The following CACNA1B variants were observed in gnomAD, a reference collection of about 807,000 sequenced individuals.
CACNA1B encodes calcium voltage-gated channel subunit alpha1 B.
In CACNA1B, 70 loss-of-function variants were observed where a neutral mutation model predicts 247.2. That is an observed-to-expected ratio of 0.28 (90% CI 0.23 to 0.35). CACNA1B has a LOEUF of 0.35. Ranked by LOEUF, CACNA1B falls within the 10% of genes least tolerant of loss-of-function variation. CACNA1B has a pLI of 1.00. For synonymous variants in CACNA1B, 1,231 were observed against 1,294.4 expected (o/e 0.95, Z 1.05); for missense variants, 2,367 against 3,197.4 (o/e 0.74, Z 6.26).
intron 36 of CACNA1B, among the ~76,000 whole-genome samples, chr9:138,081,260 T>C (rs1174916351): frequency 6.6e-6 from 1 of 152,228 alleles, no homozygotes; most frequent in Non-Finnish European, 1.5e-5. Flanking sequence ...CGAGGAATCC[T>C]TGGGTTTAGC....
intron 23 of CACNA1B, 92 bp from the exon 24 acceptor site, chr9:138,049,117 A>G (rs1276426885): frequency 1.6e-5 from 14 of 850,628 alleles, no homozygotes; most frequent in East Asian, 1.2e-4. Flanking sequence ...AGCCTCCCCA[A>G]GTGCTGAGAT....
chr9:137,889,180 G>A (rs28495791), intron 3 of CACNA1B, among the ~76,000 whole-genome samples: 5 of 150,394 alleles, frequency 3.3e-5, no homozygotes, highest in African/African-American at 1.2e-4. Flanking sequence ...GCCAGGACAC[G>A]TTGGAGCATG....
rs1589097314 is a variant in CACNA1B at position 138,051,903 on chromosome 9, G to A, written c.3711-189G>A. Among the ~76,000 whole-genome samples the A allele has an allele frequency of 2.0e-5, 3 of 152,240 alleles. No homozygotes were observed. The South Asian group carries it at 6.2e-4, about 32-fold the overall frequency. On this transcript the variant is annotated intron_variant, in intron 24 of 46. Transcript: ENST00000371372. This position sits in a 1 kb window ranked among gnomAD's most constrained non-coding sequence, Gnocchi z 4.3. ...TGTCCTTAGATGAGGCCCGGGCCAG[G>A]CAGCCCCTGGGAAGAGTCATGGTGG...
intron 20 of CACNA1B, among the ~76,000 whole-genome samples, chr9:138,038,650 T>C (rs1249858511): frequency 1.3e-5 from 2 of 152,244 alleles, no homozygotes; most frequent in Non-Finnish European, 2.9e-5. Flanking sequence ...AGTGTCCCTG[T>C]GGGAGCCTAA....
At chr9:137,887,952 T>G in intron 3 of CACNA1B, among the ~76,000 whole-genome samples, 1 of 139,650 alleles carries the variant, frequency 7.2e-6, no homozygotes, top group Non-Finnish European at 1.6e-5. Flanking sequence ...GTCCTTCCAC[T>G]GGGGTGGGGT....
At chr9:137,967,040 C>A (rs149921797) in intron 10 of CACNA1B, among the ~76,000 whole-genome samples, 2 of 151,776 alleles carry the variant, frequency 1.3e-5, no homozygotes, top group East Asian at 3.9e-4. Context: ...CCAGTCTCTC[C>A]ATTTAGTATA....
chr9:138,075,677 G>T (rs753185028), intron 34 of CACNA1B, 142 bp from the exon 35 acceptor site: 5 of 623,898 alleles, frequency 8.0e-6, no homozygotes. Context: ...GGCCTCTCCC[G>T]GGTGGGAGTT....
At chr9:138,095,262 A>G (rs1223439423) in intron 36 of CACNA1B, among the ~76,000 whole-genome samples, 1 of 152,238 alleles carries the variant, frequency 6.6e-6, no homozygotes, top group Non-Finnish European at 1.5e-5. Flanking sequence ...CTCAACAACA[A>G]AAAACCAAAC....
chr9:137,989,971 C>A (rs1238557236), intron 15 of CACNA1B, among the ~76,000 whole-genome samples: 1 of 152,188 alleles, frequency 6.6e-6, no homozygotes. Context: ...AGCTCCTGCT[C>A]GGACAGACAG....
At chr9:138,056,805 G>A (rs1434523161) in intron 26 of CACNA1B, among the ~76,000 whole-genome samples, 1 of 152,098 alleles carries the variant, frequency 6.6e-6, no homozygotes, top group Non-Finnish European at 1.5e-5. Context: ...GTGGTGTCTC[G>A]TGGTGGTTTT....
chr9:138,055,472 C>A (rs1327923380), intron 26 of CACNA1B, among the ~76,000 whole-genome samples: 1 of 152,054 alleles, frequency 6.6e-6, no homozygotes, highest in Non-Finnish European at 1.5e-5. Flanking sequence ...CTTTTTTATT[C>A]TTTTATGCTG....
At position 138,023,389 on chromosome 9, in the gene CACNA1B, G is replaced by A; in HGVS notation, c.2646G>A (p.Arg882=). 7.3e-7 allele frequency: 1 copy of A among 1,368,694 alleles called. No homozygotes were observed. 84.8% of individuals were successfully genotyped at this position (1,368,694 alleles called of 1,614,324 possible). Residue 882 remains arginine, a synonymous_variant, in exon 19 of 47, where the codon CGG becomes CGA. Coordinates refer to ENST00000371372, the MANE Select transcript of CACNA1B (RefSeq NM_000718.4). ...PKAESGEPGA[R]EERPRPHRSH... is the part of the protein sequence containing the mutation. ...CGGAGAGCGGGGAGCCCGGTGCCCG[G>A]GAGGAGCGGCCGCGGCCGCACCGCA...
At chr9:137,940,605 A>G (rs1483087481) in intron 6 of CACNA1B, among the ~76,000 whole-genome samples, 34 of 152,186 alleles carry the variant, frequency 2.2e-4, no homozygotes, top group Admixed American at 2.1e-3. Context: ...CCTGGAAAGG[A>G]CATAACCAAA....
rs1177673237 is a variant in CACNA1B at position 138,102,552 on chromosome 9, G to A, written c.5223-159G>A. The stretch of plus-strand genomic sequence containing the variant: ...AGAAATCCCTCATTTTATTTATTTT[G>A]ATTTTGGGCTTTGAATCCGACACTT... On this transcript the variant is annotated intron_variant, in intron 37 of 46. Transcript: ENST00000371372. The surrounding 1 kb of genome is among the most constrained non-coding windows in gnomAD (Gnocchi z 5.4). 1.3e-5 allele frequency among the ~76,000 whole-genome samples: 2 copies of A among 152,010 alleles called. No homozygotes were observed. Among genetic ancestry groups the A allele is most frequent in the African/African-American group, 4.8e-5 (2 of 41,358 alleles).
At chr9:137,982,200 A>G (rs1405941253) in intron 12 of CACNA1B, among the ~76,000 whole-genome samples, 1 of 152,218 alleles carries the variant, frequency 6.6e-6, no homozygotes, top group Non-Finnish European at 1.5e-5. Flanking sequence ...GTGAGGCTGC[A>G]GTCTTCTCAG....
At chr9:137,905,969 T>G (rs1957294561) in intron 3 of CACNA1B, among the ~76,000 whole-genome samples, 1 of 152,258 alleles carries the variant, frequency 6.6e-6, no homozygotes, top group African/African-American at 2.4e-5. Context: ...GTAGACCAGA[T>G]TTTTTCCTGA....
intron 6 of CACNA1B, among the ~76,000 whole-genome samples, chr9:137,930,192 G>A (rs945227280): frequency 2.0e-5 from 3 of 152,178 alleles, no homozygotes; most frequent in African/African-American, 7.2e-5. Context: ...GGGTTTAGAT[G>A]ATTATTTAGA....
rs200673508 is a variant in CACNA1B, at chr9:138,049,364, G to A, written c.3710+49G>A. 21 of 1,185,066 alleles carry A rather than the reference G, an allele frequency of 1.8e-5. No individual in the cohort carries two copies. The Middle Eastern group carries it at 9.5e-4, about 54-fold the overall frequency. The allele number at this position is 1,185,066 out of a possible 1,614,324, so 73.4% of individuals were successfully genotyped here. On this transcript the variant is annotated intron_variant, in intron 24 of 46. Transcript: ENST00000371372. ...GGCTAGGGAGAGCCCCCAGAATCAC[G>A]ATGGGCGTGAGGGTGAGGGAATAAG... is the stretch of plus-strand genomic sequence containing the variant.
Position 138,101,903 on chromosome 9 carries a change from C to T in CACNA1B, c.5223-808C>T, listed in dbSNP as rs116786462. 8.1e-3 allele frequency among the ~76,000 whole-genome samples: 1,235 copies of T among 152,328 alleles called. 15 individuals carry two copies. The highest frequency in any genetic ancestry group is 0.027 in the African/African-American group (1,132 of 41,576). ...AGGTAGGCCCCAGGCCTCGTGGCCT[C>T]TCTACTTGGGAAGACTCTGTCATCG... On this transcript the variant is annotated intron_variant, in intron 37 of 46. Coordinates refer to ENST00000371372, the MANE Select transcript of CACNA1B (RefSeq NM_000718.4).
Sources: allele counts gnomAD v4.1 joint callset (sites outside exome capture counted in the v4.1 genomes callset), GRCh38; gene constraint gnomAD v4.1.1; non-coding constraint Gnocchi (gnomAD v3.1); transcripts MANE v1.5; gene names NCBI Gene and HGNC (gene_info 2026-07-23, HGNC 2026-07-21).